Variants in NTM observed in about 807,000 individuals in gnomAD.
NTM encodes IgLON family member 2.
NTM carries 13 observed loss-of-function variants against 42.1 expected under a neutral mutation model. The observed-to-expected ratio is 0.31, with a 90% CI of 0.20 to 0.49. The LOEUF is 0.49. NTM is among the 20% of genes least tolerant of loss of function. NTM has a pLI of 0.99. For synonymous variants in NTM, 187 were observed against 179.2 expected (o/e 1.04, Z -0.35); for missense variants, 373 against 452.8 (o/e 0.82, Z 1.60).
At chr11:132,037,583 A>C (rs2076664054) in intron 2 of NTM, among the ~76,000 whole-genome samples, 1 of 152,108 alleles carries the variant, frequency 6.6e-6, no homozygotes, top group African/African-American at 2.4e-5. Context: ...TAAGGCTGAA[A>C]AACAGAGGTC....
intron 2 of NTM, among the ~76,000 whole-genome samples, chr11:131,996,223 G>C (rs2067988905): frequency 6.6e-6 from 1 of 152,086 alleles, no homozygotes; most frequent in African/African-American, 2.4e-5. Context: ...GCTAAGGGTT[G>C]TGAGAGGAAT....
chr11:131,680,990 A>T (rs1472173963), intron 1 of NTM, among the ~76,000 whole-genome samples: 1 of 13,152 alleles, frequency 7.6e-5, no homozygotes, highest in Non-Finnish European at 1.7e-4. Flanking sequence ...TGTGTGTGTG[A>T]GCGTGTGTGT....
At chr11:131,603,414 ATGCTAACAC>A (rs943569632) in intron 1 of NTM, among the ~76,000 whole-genome samples, 34 of 152,088 alleles carry the variant, frequency 2.2e-4, no homozygotes, top group African/African-American at 8.2e-4. Context: ...CTCTCAAGTG[ATGCTAACAC>A]TGTTGGTCCA....
intron 1 of NTM, among the ~76,000 whole-genome samples, chr11:131,696,472 C>G (rs1021596857): frequency 1.3e-5 from 2 of 152,184 alleles, no homozygotes; most frequent in Non-Finnish European, 2.9e-5. Flanking sequence ...CTGGATCAGA[C>G]CACACAACAT....
intron 1 of NTM, among the ~76,000 whole-genome samples, chr11:131,784,881 G>A (rs2136042500): frequency 6.6e-6 from 1 of 152,084 alleles, no homozygotes; most frequent in South Asian, 2.1e-4. Flanking sequence ...TTTCATCAGT[G>A]ATAACCTAAT....
intron 2 of NTM, among the ~76,000 whole-genome samples, chr11:131,951,131 G>C (rs1467025267): frequency 6.6e-6 from 1 of 152,138 alleles, no homozygotes; most frequent in Non-Finnish European, 1.5e-5. Flanking sequence ...CCTTGATTTT[G>C]AGTTCTTAGT....
intron 1 of NTM, among the ~76,000 whole-genome samples, chr11:131,375,220 G>C (rs371395520): frequency 6.6e-6 from 1 of 152,202 alleles, no homozygotes; most frequent in South Asian, 2.1e-4. Context: ...CCACCAGGCC[G>C]GGGAGCGACT....
Position 131,777,081 on chromosome 11 carries a change from T to C in NTM, c.83-134483T>C, listed in dbSNP as rs568393128. 16 of 955,998 alleles carry C rather than the reference T, an allele frequency of 1.7e-5. No individual in the cohort carries two copies. In the African/African-American group the frequency reaches 2.8e-4, roughly 17 times the overall value. 59.2% of individuals were successfully genotyped at this position (955,998 alleles called of 1,614,324 possible). ...CTTCTGCCATACATAGAAAAGGTGT[T>C]GGAAGAAATTATTGATTTCTATTAT... On this transcript the variant is annotated intron_variant, in intron 1 of 8. Transcript: ENST00000683400.
At chr11:131,593,799 T>A (rs1027272101) in intron 1 of NTM, among the ~76,000 whole-genome samples, 2 of 152,248 alleles carry the variant, frequency 1.3e-5, no homozygotes, top group Non-Finnish European at 2.9e-5. Flanking sequence ...TCTCTGGACA[T>A]ATCAGTTTCT....
chr11:132,301,275 A>ATCGTGAGAACTAACTCACTC (rs2094843408), intron 4 of NTM, among the ~76,000 whole-genome samples: 1 of 152,164 alleles, frequency 6.6e-6, no homozygotes, highest in South Asian at 2.1e-4. Flanking sequence ...CTAACTCACT[A>ATCGTGAGAACTAACTCACTC]TCATGAGAAC....
intron 4 of NTM, among the ~76,000 whole-genome samples, chr11:132,259,690 A>G (rs772316312): frequency 2.0e-5 from 3 of 151,864 alleles, no homozygotes; most frequent in Non-Finnish European, 4.4e-5. Flanking sequence ...AAAAAACAAG[A>G]AGTTTTTTAG....
intron 1 of NTM, among the ~76,000 whole-genome samples, chr11:131,635,906 T>C (rs1057118565): frequency 3.2e-4 from 48 of 152,240 alleles, no homozygotes; most frequent in African/African-American, 1.1e-3. Context: ...TTTAGATACA[T>C]GAATATTTGC....
At chr11:131,614,366 C>T (rs536787020) in intron 1 of NTM, among the ~76,000 whole-genome samples, 18 of 152,356 alleles carry the variant, frequency 1.2e-4, no homozygotes, top group African/African-American at 4.1e-4. Context: ...GGAGACCCAC[C>T]CTGGCTGCAG....
chr11:131,603,699 ACT>A (rs2060680615), intron 1 of NTM, among the ~76,000 whole-genome samples: 1 of 152,156 alleles, frequency 6.6e-6, no homozygotes, highest in Admixed American at 6.5e-5. Flanking sequence ...TGTCCCGTAC[ACT>A]CAGCACTGGG....
intron 1 of NTM, among the ~76,000 whole-genome samples, chr11:131,398,425 C>G (rs1050990777): frequency 6.6e-6 from 1 of 152,106 alleles, no homozygotes; most frequent in Non-Finnish European, 1.5e-5. Flanking sequence ...TTTTCTTATT[C>G]TCTGCCATGG....
chr11:132,054,113 G>A (rs2079250111), intron 2 of NTM, among the ~76,000 whole-genome samples: 1 of 152,240 alleles, frequency 6.6e-6, no homozygotes, highest in Admixed American at 6.5e-5. Context: ...TACTCCAGAG[G>A]CTGAGGCAGG....
At chr11:131,685,224 C>G (rs564513776) in intron 1 of NTM, among the ~76,000 whole-genome samples, 1 of 152,330 alleles carries the variant, frequency 6.6e-6, no homozygotes, top group East Asian at 1.9e-4. Context: ...TGGGGGGCAG[C>G]TAGCACTGCC....
At chr11:131,948,373 C>CA (rs1354612605) in intron 2 of NTM, among the ~76,000 whole-genome samples, 3 of 107,704 alleles carry the variant, frequency 2.8e-5, no homozygotes, top group Admixed American at 9.6e-5. Context: ...TCAAAAAAAA[C>CA]AAAAAAACAA....
intron 1 of NTM, among the ~76,000 whole-genome samples, chr11:131,624,491 G>A (rs377451694): frequency 3.4e-4 from 52 of 152,162 alleles, no homozygotes; most frequent in Middle Eastern, 3.4e-3. Context: ...GGACATCACA[G>A]GAGGTCTTCC....
Sources: allele counts gnomAD v4.1 joint callset (sites outside exome capture counted in the v4.1 genomes callset), GRCh38; gene constraint gnomAD v4.1.1; transcripts MANE v1.5; gene names NCBI Gene and HGNC (gene_info 2026-07-23, HGNC 2026-07-21).